The following KLHL42 variants were observed in gnomAD, a reference collection of about 807,000 sequenced individuals.
KLHL42 encodes kelch like family member 42, also known as kelch-like protein 42.
KLHL42 carries 27 observed loss-of-function variants against 32.7 expected under a neutral mutation model. That is an observed-to-expected ratio of 0.83 (90% CI 0.61 to 1.14). The LOEUF is 1.14. Among genes scored for constraint, KLHL42 ranks in the 50% most tolerant of loss-of-function variants. The pLI is 0.00. For missense variants in KLHL42, 491 were observed against 560.8 expected, an observed-to-expected ratio of 0.88 and a Z score of 1.26; for synonymous variants, 267 against 248.2, an observed-to-expected ratio of 1.08 and a Z score of -0.71.
At position 27,780,477 on chromosome 12, in the gene KLHL42, G is replaced by A; in HGVS notation, c.147G>A (p.Pro49=). The A allele has an allele frequency of 6.5e-7, 1 of 1,545,152 alleles. No homozygotes were observed. ...CCCTGAGCCAGGAGGCCGGCGGCCCGGAGGTGCAGCAGCTGCGCGGCCTCA... is the reference window on the plus strand; with the variant it reads ...CCCTGAGCCAGGAGGCCGGCGGCCCAGAGGTGCAGCAGCTGCGCGGCCTCA... The part of the protein sequence containing the change: ...REALSQEAGG[P]EVQQLRGLSA... The change falls in exon 1 of 3, where the codon CCG becomes CCA. Residue 49 remains proline (P), a synonymous_variant. Coordinates refer to ENST00000381271, the MANE Select transcript of KLHL42 (RefSeq NM_020782.2). This position sits in a 1 kb window ranked among gnomAD's most constrained non-coding sequence, Gnocchi z 8.8.
intron 2 of KLHL42, 38 bp from the exon 3 acceptor site, chr12:27,797,677 G>T (rs780552224): frequency 1.5e-6 from 1 of 673,488 alleles, no homozygotes; most frequent in Non-Finnish European, 2.7e-6. Context: ...AGTGGTGTTA[G>T]TGGAGGCGGT....
At chr12:27,792,200 G>A (rs1221229962) in intron 2 of KLHL42, 1 of 222,302 alleles carries the variant, frequency 4.5e-6, no homozygotes, top group Non-Finnish European at 9.0e-6. Context: ...CAGCCGTCTT[G>A]TGATTTGGCT....
At chr12:27,786,697 C>G (rs372676419) in intron 1 of KLHL42, among the ~76,000 whole-genome samples, 16 of 148,562 alleles carry the variant, frequency 1.1e-4, no homozygotes, top group African/African-American at 3.7e-4. Flanking sequence ...TCTTAAATAG[C>G]AGGAACTCTG....
rs2062251012 is a variant in KLHL42, at chr12:27,802,211, ATCT to A, written c.*4047_*4049del. ...TGTGAAAAAGTGAAAATCACATATA[ATCT>A]TTATTTAAAAATGCTCACCAAGCAC... On this transcript the variant is annotated 3_prime_UTR_variant, in exon 3 of 3. Coordinates refer to ENST00000381271, the MANE Select transcript of KLHL42 (RefSeq NM_020782.2). 6.6e-6 allele frequency: 1 copy of A among 152,088 alleles called. No individual in the cohort carries two copies. Among genetic ancestry groups the A allele is most frequent in the African/African-American group, 2.4e-5 (1 of 41,398 alleles). 9.4% of individuals were successfully genotyped at this position (152,088 alleles called of 1,614,324 possible).
rs535543936 is a variant in KLHL42 at position 27,801,524 on chromosome 12, A to G, written c.*3358A>G. 3 of 152,342 alleles carry G rather than the reference A, an allele frequency of 2.0e-5. No homozygotes were observed. The East Asian group carries it at 5.8e-4, about 29-fold the overall frequency. The allele number at this position is 152,342 out of a possible 1,614,324, so 9.4% of individuals were successfully genotyped here. A position where few individuals can be genotyped will look rare whatever the true frequency, so the allele number is the denominator to read the frequency against. On this transcript the variant is annotated 3_prime_UTR_variant, in exon 3 of 3. Transcript: ENST00000381271. ...AGAGGCAGCATAGCAATGTAAAAGG[A>G]ATATAAGTAGGTGTTGGATGCCTTT...
Position 27,798,317 on chromosome 12 carries a change from C to T in KLHL42, c.*151C>T. Reference sequence around the variant, plus strand: ...GCAGCTGTAAATAAGCTTACTTGAACTAATTACTTGAAAACTGGTGGAAAA... The same window carrying T: ...GCAGCTGTAAATAAGCTTACTTGAATTAATTACTTGAAAACTGGTGGAAAA... On this transcript the variant is annotated 3_prime_UTR_variant, in exon 3 of 3. Coordinates refer to ENST00000381271, the MANE Select transcript of KLHL42 (RefSeq NM_020782.2). The T allele has an allele frequency of 1.8e-6, 1 of 560,146 alleles. No individual in the cohort carries two copies. The highest frequency in any genetic ancestry group is 2.9e-5 in the East Asian group (1 of 34,516). 34.7% of individuals were successfully genotyped at this position (560,146 alleles called of 1,614,324 possible).
In KLHL42 at chr12:27,801,475, C is replaced by G. The variant is rs1192731026; in HGVS notation, c.*3309C>G. 6.6e-6 allele frequency: 1 copy of G among 152,214 alleles called. No homozygotes were observed. The highest frequency in any genetic ancestry group is 1.5e-5 in the Non-Finnish European group (1 of 68,046). 9.4% of individuals were successfully genotyped at this position (152,214 alleles called of 1,614,324 possible). ...TCCTGATCAACCAGCATTTAACGAA[C>G]AGTGGCTTAATGCAGATCACTCAAG... On this transcript the variant is annotated 3_prime_UTR_variant, in exon 3 of 3. Coordinates refer to ENST00000381271, the MANE Select transcript of KLHL42 (RefSeq NM_020782.2).
intron 1 of KLHL42, among the ~76,000 whole-genome samples, chr12:27,785,339 A>G (rs749506446): frequency 6.6e-6 from 1 of 152,182 alleles, no homozygotes; most frequent in Non-Finnish European, 1.5e-5. Context: ...AGCTGGGACT[A>G]CAGGCATGCA....
In KLHL42 at chr12:27,801,755, A is replaced by G. The variant is rs1473606868; in HGVS notation, c.*3589A>G. 6.6e-6 allele frequency: 1 copy of G among 152,228 alleles called. No individual in the cohort carries two copies. The highest frequency in any genetic ancestry group is 1.5e-5 in the Non-Finnish European group (1 of 68,048). 9.4% of individuals were successfully genotyped at this position (152,228 alleles called of 1,614,324 possible). ...TCCCTGCCTTAGACAGAGGAGTGAAAGAATTAAGTGGGTAGACACCAACCA... is the reference window on the plus strand; with the variant it reads ...TCCCTGCCTTAGACAGAGGAGTGAAGGAATTAAGTGGGTAGACACCAACCA... On this transcript the variant is annotated 3_prime_UTR_variant, in exon 3 of 3. Transcript: ENST00000381271.
At chr12:27,791,662 T>C in intron 1 of KLHL42, 46 bp from the exon 2 acceptor site, 1 of 1,489,304 alleles carries the variant, frequency 6.7e-7, no homozygotes, top group Non-Finnish European at 9.3e-7. Context: ...ACACTTTTCA[T>C]TGATCAGAAG....
chr12:27,780,432 C>A lies in KLHL42; in HGVS notation c.102C>A (p.Tyr34Ter). The A allele has an allele frequency of 6.4e-7, 1 of 1,552,404 alleles. No homozygotes were observed. Among genetic ancestry groups the A allele is most frequent in the African/African-American group, 1.4e-5 (1 of 72,202 alleles). Residue 34 changes from tyrosine to a stop codon, truncating the protein, a stop_gained, in exon 1 of 3, where the codon TAC becomes TAA. Coordinates refer to ENST00000381271, the MANE Select transcript of KLHL42 (RefSeq NM_020782.2). LOFTEE classifies it high-confidence loss of function. This position sits in a 1 kb window ranked among gnomAD's most constrained non-coding sequence, Gnocchi z 8.8. ...AGAGCGACTACTTCCGCGCCCTCTA[C>A]CGCTCCGGCATGCGCGAGGCCCTGA... Reference protein sequence around the residue: ...IEQSDYFRALYRSGMREALSQ... With the variant: ...IEQSDYFRAL
intron 2 of KLHL42, among the ~76,000 whole-genome samples, chr12:27,792,715 G>T (rs571055103): frequency 1.3e-5 from 2 of 151,978 alleles, no homozygotes; most frequent in Non-Finnish European, 2.9e-5. Context: ...TAGAGATGGG[G>T]TTTCACCATG....
At chr12:27,788,741 G>A (rs2062184009) in intron 1 of KLHL42, among the ~76,000 whole-genome samples, 1 of 152,148 alleles carries the variant, frequency 6.6e-6, no homozygotes, top group South Asian at 2.1e-4. Flanking sequence ...AAGTGACCTT[G>A]AAATTCAATT....
At chr12:27,791,343 G>A (rs2140819062) in intron 1 of KLHL42, among the ~76,000 whole-genome samples, 2 of 152,302 alleles carry the variant, frequency 1.3e-5, no homozygotes, top group South Asian at 2.1e-4. Context: ...GAAAGACAAT[G>A]GGGTGATGTG....
At chr12:27,791,567 T>A in intron 1 of KLHL42, 141 bp from the exon 2 acceptor site, 1 of 717,238 alleles carries the variant, frequency 1.4e-6, no homozygotes, top group Non-Finnish European at 2.5e-6. Context: ...CCTTTCCTCC[T>A]CTGTCCTCAG....
At chr12:27,785,319 C>T (rs1471014711) in intron 1 of KLHL42, among the ~76,000 whole-genome samples, 1 of 152,158 alleles carries the variant, frequency 6.6e-6, no homozygotes, top group Non-Finnish European at 1.5e-5. Context: ...CCTGCTTCAG[C>T]CTCCCCAGTA....
In KLHL42 at chr12:27,798,005, AT is replaced by A; in HGVS notation, c.1358del (p.Ile453ThrfsTer2). ...TGCGCTCCATAACGACGGCATCTAC[AT>A]CATGAGCAGAGACGTCACCCTGTCG... ...TCALHNDGIYIMSRDVTLSTS... is the reference protein window; with the variant it reads ...TCALHNDGIYXMSRDVTLSTS... On this transcript the variant is annotated frameshift_variant, in exon 3 of 3. Coordinates refer to ENST00000381271, the MANE Select transcript of KLHL42 (RefSeq NM_020782.2). LOFTEE classifies it high-confidence loss of function. 1 of 781,050 alleles carries A rather than the reference AT, an allele frequency of 1.3e-6. No individual in the cohort carries two copies. The highest frequency in any genetic ancestry group is 2.4e-6 in the Non-Finnish European group (1 of 418,130). The allele number at this position is 781,050 out of a possible 1,614,324, so 48.4% of individuals were successfully genotyped here.
chr12:27,780,810 G>T lies in KLHL42; in HGVS notation c.480G>T (p.Val160=), dbSNP rs765602555. 6 of 1,613,788 alleles carry T rather than the reference G, an allele frequency of 3.7e-6. 1 individual carries two copies. In the South Asian group the frequency reaches 6.6e-5, roughly 18 times the overall value. ...TCATGGTCGTCCACTTCCACGAGGT[G>T]CTGTGCAAGCCCCAGTTCCACCTCC... ...LRFMVVHFHE[V]LCKPQFHLLG... Residue 160 remains valine (V), a synonymous_variant, in exon 1 of 3, where the codon GTG becomes GTT. Coordinates refer to ENST00000381271, the MANE Select transcript of KLHL42 (RefSeq NM_020782.2). The surrounding 1 kb of genome is among the most constrained non-coding windows in gnomAD (Gnocchi z 8.8).
intron 1 of KLHL42, among the ~76,000 whole-genome samples, chr12:27,786,204 C>G (rs887507810): frequency 6.6e-6 from 1 of 152,162 alleles, no homozygotes; most frequent in African/African-American, 2.4e-5. Flanking sequence ...TTGCAGGGAC[C>G]ATCTTCATGC....
Sources: allele counts gnomAD v4.1 joint callset (sites outside exome capture counted in the v4.1 genomes callset), GRCh38; gene constraint gnomAD v4.1.1; non-coding constraint Gnocchi (gnomAD v3.1); transcripts MANE v1.5; gene names NCBI Gene and HGNC (gene_info 2026-07-23, HGNC 2026-07-21).